The following ASPH variants were observed in gnomAD, a reference collection of about 807,000 sequenced individuals.
The protein encoded by ASPH is aspartate beta-hydroxylase.
In ASPH, 100 loss-of-function variants were observed where a neutral mutation model predicts 118.4. That is an observed-to-expected ratio of 0.84 (90% CI 0.72 to 1.00). The LOEUF is 1.00. Ranked by LOEUF, ASPH falls within the 50% of genes least tolerant of loss-of-function variation. The pLI is 0.00. For synonymous variants in ASPH, 315 were observed against 325.6 expected, an observed-to-expected ratio of 0.97 and a Z score of 0.35; for missense variants, 920 against 919.5, an observed-to-expected ratio of 1.00 and a Z score of -0.01.
intron 21 of ASPH, among the ~76,000 whole-genome samples, chr8:61,530,763 T>C (rs1002446981): frequency 2.0e-5 from 3 of 152,338 alleles, no homozygotes; most frequent in East Asian, 3.9e-4. Flanking sequence ...TAATGAGAAT[T>C]GCAGTCTCTT....
intron 3 of ASPH, chr8:61,660,318 A>C (rs887903673): frequency 6.6e-6 from 1 of 152,140 alleles, no homozygotes; most frequent in African/African-American, 2.4e-5. Context: ...TGGGTAGAAA[A>C]AGGGGAAACA....
At chr8:61,506,006 A>G (rs1806400170) in intron 24 of ASPH, among the ~76,000 whole-genome samples, 1 of 152,220 alleles carries the variant, frequency 6.6e-6, no homozygotes, top group South Asian at 2.1e-4. Context: ...TGTACTCAAA[A>G]TGAAAGGCAG....
At position 61,622,316 on chromosome 8, in the gene ASPH, G is replaced by A. The variant is rs28582737; in HGVS notation, c.935-3297C>T. On this transcript the variant is annotated intron_variant, in intron 13 of 24. Coordinates refer to ENST00000379454, the MANE Select transcript of ASPH (RefSeq NM_004318.4). ...TTGCACCACTGCACTCCAGTCTGGTGACAGGGCGAGACTCTGAGACTCCGT... is the reference window on the plus strand; with the variant it reads ...TTGCACCACTGCACTCCAGTCTGGTAACAGGGCGAGACTCTGAGACTCCGT... Among the ~76,000 whole-genome samples the A allele has an allele frequency of 6.4e-3, 970 of 152,316 alleles. 11 individuals carry two copies. The highest frequency in any genetic ancestry group is 0.022 in the African/African-American group (913 of 41,572).
chr8:61,595,173 A>G (rs1767947891), intron 14 of ASPH, among the ~76,000 whole-genome samples: 1 of 152,244 alleles, frequency 6.6e-6, no homozygotes, highest in Non-Finnish European at 1.5e-5. Flanking sequence ...AAAACCTGAC[A>G]TTACAAAATT....
intron 15 of ASPH, among the ~76,000 whole-genome samples, chr8:61,580,546 G>A (rs762965298): frequency 6.6e-6 from 1 of 152,104 alleles, no homozygotes; most frequent in Non-Finnish European, 1.5e-5. Context: ...TTGTTCTCTC[G>A]CAGTTTTGCA....
chr8:61,576,816 G>A lies in ASPH; in HGVS notation c.1105C>T (p.Arg369Cys), dbSNP rs139441811. 229 of 1,609,086 alleles carry A rather than the reference G, an allele frequency of 1.4e-4. No individual in the cohort carries two copies. The East Asian group carries it at 3.0e-3, about 21-fold the overall frequency. The change falls in exon 16 of 25, where the codon CGC becomes TGC. Residue 369 changes from arginine to cysteine, a missense_variant. Coordinates refer to ENST00000379454, the MANE Select transcript of ASPH (RefSeq NM_004318.4). The part of the protein sequence containing the change: ...EAVNAFKELV[R>C]KYPQSPRARY... ...GCTCGTGGACTCTGAGGGTATTTGC[G>A]TACTAGTTCTTTAAATGCATTCACT...
chr8:61,540,430 A>G (rs1048818275), intron 21 of ASPH, among the ~76,000 whole-genome samples: 5 of 152,136 alleles, frequency 3.3e-5, no homozygotes, highest in African/African-American at 9.7e-5. Context: ...GCTCCTGTTC[A>G]TGCTGCCATG....
Position 61,601,557 on chromosome 8 carries a change from G to GA in ASPH, c.976+17420dup, listed in dbSNP as rs796173074. On this transcript the variant is annotated intron_variant, in intron 14 of 24. Transcript: ENST00000379454. ...TCCATCTCAAAAAAAGAGAGAGAGAGAAAAAAAAAAAACCTCAAAAAGGAA... is the reference window on the plus strand; with the variant it reads ...TCCATCTCAAAAAAAGAGAGAGAGAGAAAAAAAAAAAAACCTCAAAAAGGAA... Among the ~76,000 whole-genome samples the GA allele has an allele frequency of 2.0e-3, 223 of 109,046 alleles. 2 individuals carry two copies. In the Middle Eastern group the frequency reaches 0.045, roughly 22 times the overall value. 71.5% of individuals were successfully genotyped at this position (109,046 alleles called of 152,430 possible).
At chr8:61,661,951 G>GA in intron 3 of ASPH, 1 of 442,672 alleles carries the variant, frequency 2.3e-6, no homozygotes, top group Non-Finnish European at 4.0e-6. Flanking sequence ...TGAAAGACTT[G>GA]TTTAAAAAAA....
chr8:61,675,207 A>G (rs1296657895), intron 3 of ASPH: 1 of 680,820 alleles, frequency 1.5e-6, no homozygotes, highest in Non-Finnish European at 1.8e-6. Context: ...ATCTAAGCCA[A>G]AATCAATATC....
intron 8 of ASPH, 102 bp downstream of exon 8, chr8:61,643,842 AG>A: frequency 2.3e-6 from 2 of 865,396 alleles, no homozygotes; most frequent in South Asian, 2.9e-5. Flanking sequence ...AATACCATAC[AG>A]GGATCTCTGT....
chr8:61,514,357 G>A (rs183656542), intron 24 of ASPH, among the ~76,000 whole-genome samples: 1 of 151,728 alleles, frequency 6.6e-6, no homozygotes, highest in East Asian at 1.9e-4. Flanking sequence ...TGTCACCCAG[G>A]CTGGAGTGCA....
chr8:61,552,886 A>T, intron 20 of ASPH, 145 bp downstream of exon 20: 1 of 640,222 alleles, frequency 1.6e-6, no homozygotes. Context: ...TGTTCCAAAG[A>T]TAGTTTAAGT....
rs1264697556 is a variant in ASPH at position 61,582,075 on chromosome 8, A to G, written c.1062+1869T>C. 7.9e-5 allele frequency among the ~76,000 whole-genome samples: 12 copies of G among 152,320 alleles called. No individual in the cohort carries two copies. In the South Asian group the frequency reaches 2.3e-3, roughly 29 times the overall value. On this transcript the variant is annotated intron_variant, in intron 15 of 24. Transcript: ENST00000379454. ...CTAAGGTGCATCCTCTGAAAATACT[A>G]GCCATAAAAACAACCCTAAAAGACT...
rs542145970 is a variant in ASPH, at chr8:61,620,371, G to A, written c.935-1352C>T. Among the ~76,000 whole-genome samples, 69 of 152,180 alleles carry A rather than the reference G, an allele frequency of 4.5e-4. 2 individuals are homozygous for A. In the South Asian group the frequency reaches 0.011, roughly 25 times the overall value. On this transcript the variant is annotated intron_variant, in intron 13 of 24. Coordinates refer to ENST00000379454, the MANE Select transcript of ASPH (RefSeq NM_004318.4). ...CATACTTTTTTTCCACTGAACCACT[G>A]TGTACCTTTCTTCAAAGAGAAGTGC...
chr8:61,575,818 G>A (rs1834952482), intron 16 of ASPH, among the ~76,000 whole-genome samples: 1 of 152,120 alleles, frequency 6.6e-6, no homozygotes, highest in Non-Finnish European at 1.5e-5. Flanking sequence ...AACCAATCCA[G>A]AGCCACGCCT....
intron 13 of ASPH, chr8:61,625,340 G>C (rs1416180507): frequency 1.0e-6 from 1 of 985,668 alleles, no homozygotes; most frequent in East Asian, 1.1e-4. Flanking sequence ...AGCTCAAGGC[G>C]TTACTGAGTT....
chr8:61,675,334 T>C, intron 3 of ASPH: 1 of 949,670 alleles, frequency 1.1e-6, no homozygotes, highest in Non-Finnish European at 1.3e-6. Context: ...ATATGCCTAC[T>C]TTAAAAAAAA....
At chr8:61,697,658 G>C (rs142087628) in intron 1 of ASPH, among the ~76,000 whole-genome samples, 2 of 152,198 alleles carry the variant, frequency 1.3e-5, no homozygotes, top group African/African-American at 4.8e-5. Flanking sequence ...ACATTTACTA[G>C]TTGATTATAA....
Sources: gnomAD v4.1 joint callset for allele counts (sites outside exome capture counted in the v4.1 genomes callset) on GRCh38, gnomAD v4.1.1 for gene constraint, MANE v1.5 for transcripts, NCBI Gene and HGNC (gene_info 2026-07-23, HGNC 2026-07-21) for gene names.